The following TUBAL3 variants were observed in gnomAD, a reference collection of about 807,000 sequenced individuals.
TUBAL3 encodes tubulin alpha like 3, also known as tubulin alpha chain-like 3.
Under a neutral mutation model 15.5 loss-of-function variants are expected in TUBAL3, and 16 were observed. The ratio of observed to expected loss-of-function variants is 1.04; its 90% CI spans 0.70 to 1.57. The LOEUF (loss-of-function observed/expected upper bound fraction) is 1.57, where lower values mean the gene tolerates loss of function less well. Ranked by LOEUF, TUBAL3 falls within the 40% of genes most tolerant of loss-of-function variation. The probability of loss-of-function intolerance (pLI) is 0.00; values close to 1 mark genes in which losing one functional copy is unlikely to be tolerated. For missense variants in TUBAL3, 609 were observed against 576.2 expected, an observed-to-expected ratio of 1.06 and a Z score of -0.58; for synonymous variants, 238 against 224.3, an observed-to-expected ratio of 1.06 and a Z score of -0.55.
At chr10:5,401,696 G>C (rs1028763615) in intron 1 of TUBAL3, among the ~76,000 whole-genome samples, 6 of 151,716 alleles carry the variant, frequency 4.0e-5, no homozygotes, top group African/African-American at 1.2e-4. Context: ...AAATGTAAAA[G>C]TTTTATAACA....
At chr10:5,404,408 T>C (rs1304597274) in intron 1 of TUBAL3, among the ~76,000 whole-genome samples, 1 of 152,180 alleles carries the variant, frequency 6.6e-6, no homozygotes, top group Non-Finnish European at 1.5e-5. Flanking sequence ...GTTACCTAAG[T>C]CTGAAGTCCT....
intron 1 of TUBAL3, among the ~76,000 whole-genome samples, chr10:5,403,932 G>T (rs1277992964): frequency 1.3e-5 from 2 of 152,178 alleles, no homozygotes; most frequent in Non-Finnish European, 2.9e-5. Flanking sequence ...AGATTGATAT[G>T]CAGCTGTGAG....
chr10:5,399,832 G>C (rs1554814484), intron 2 of TUBAL3, among the ~76,000 whole-genome samples: 1 of 152,168 alleles, frequency 6.6e-6, no homozygotes, highest in Non-Finnish European at 1.5e-5. Flanking sequence ...TTCCAAGCTG[G>C]TACCACATGG....
At position 5,401,082 on chromosome 10, in the gene TUBAL3, C is replaced by G. The variant is rs1207145092; in HGVS notation, c.9G>C (p.Glu3Asp). The stretch of plus-strand genomic sequence containing the variant: ...CTTGACCGATGTGGATGGAAAGGCA[C>G]TCCCTCTAAAATAAGTCATGGTGAG... MR[E>D]CLSIHIGQAG... The change falls in exon 2 of 4, where the codon GAG becomes GAC. Residue 3 changes from glutamate to aspartate, a missense_variant. Physicochemically the swap from Glu to Asp is conservative, Grantham distance 45. Coordinates refer to ENST00000380419, the MANE Select transcript of TUBAL3 (RefSeq NM_024803.3). 1.2e-6 allele frequency: 2 copies of G among 1,613,950 alleles called. No individual in the cohort carries two copies. Among genetic ancestry groups the G allele is most frequent in the Admixed American group, 3.3e-5 (2 of 59,994 alleles).
chr10:5,394,178 T>C lies in TUBAL3; in HGVS notation c.680A>G (p.Glu227Gly). 6.2e-7 allele frequency: 1 copy of C among 1,614,130 alleles called. No individual in the cohort carries two copies. The highest frequency in any genetic ancestry group is 1.1e-5 in the South Asian group (1 of 91,072). ...YDICHRKLGV[E>G]CPSHASINRL... Reference sequence around the variant, plus strand: ...ATTGATGCTGGCATGAGAGGGGCATTCAACACCGAGTTTACGATGGCATAT... The same window carrying C: ...ATTGATGCTGGCATGAGAGGGGCATCCAACACCGAGTTTACGATGGCATAT... Residue 227 changes from glutamate (E) to glycine (G), a missense_variant, in exon 4 of 4, where the codon GAA becomes GGA. Glu to Gly is a moderately conservative substitution (Grantham distance 98). Transcript: ENST00000380419. This position sits in a 1 kb window ranked among gnomAD's most constrained non-coding sequence, Gnocchi z 4.3.
Position 5,393,456 on chromosome 10 carries a change from C to G in TUBAL3, c.*61G>C. 2 of 1,458,448 alleles carry G rather than the reference C, an allele frequency of 1.4e-6. No homozygotes were observed. Among genetic ancestry groups the G allele is most frequent in the Non-Finnish European group, 1.8e-6 (2 of 1,081,188 alleles). 90.3% of individuals were successfully genotyped at this position (1,458,448 alleles called of 1,614,324 possible). A position where few individuals can be genotyped will look rare whatever the true frequency, so the allele number is the denominator to read the frequency against. On this transcript the variant is annotated 3_prime_UTR_variant, in exon 4 of 4. Coordinates refer to ENST00000380419, the MANE Select transcript of TUBAL3 (RefSeq NM_024803.3). Reference sequence around the variant, plus strand: ...GGGGAACTACCCACTAGGCATATAACGGCTTGAAAAGAAAACATGCCATTT... The same window carrying G: ...GGGGAACTACCCACTAGGCATATAAGGGCTTGAAAAGAAAACATGCCATTT...
At chr10:5,401,692 A>T (rs782166563) in intron 1 of TUBAL3, among the ~76,000 whole-genome samples, 3 of 152,168 alleles carry the variant, frequency 2.0e-5, no homozygotes, top group Non-Finnish European at 4.4e-5. Context: ...TCCAAAATGT[A>T]AAAGTTTTAT....
chr10:5,399,962 A>T (rs535997782), intron 2 of TUBAL3, among the ~76,000 whole-genome samples: 1 of 152,314 alleles, frequency 6.6e-6, no homozygotes, highest in Non-Finnish European at 1.5e-5. Context: ...CCAACAAATA[A>T]TGGGATGCAC....
rs782795215 is a variant in TUBAL3, at chr10:5,395,353, G to A, written c.370C>T (p.Leu124Phe). Residue 124 changes from leucine to phenylalanine, a missense_variant, in exon 3 of 4, where the codon CTT (leucine) becomes TTT (phenylalanine). By Grantham distance (22) the Leu-to-Phe change is conservative. Coordinates refer to ENST00000380419, the MANE Select transcript of TUBAL3 (RefSeq NM_024803.3). This position sits in a 1 kb window ranked among gnomAD's most constrained non-coding sequence, Gnocchi z 4.6. ...AGCTTCCGGGTCCTCTCCAGCACAA[G>A]GTCGATGACCTCCGACCCCACAGAG... ...RYSVGSEVID[L>F]VLERTRKLAE... 6 of 1,583,568 alleles carry A rather than the reference G, an allele frequency of 3.8e-6. No individual in the cohort carries two copies. The highest frequency in any genetic ancestry group is 2.3e-5 in the South Asian group (2 of 87,848).
chr10:5,400,986 AACG>A lies in TUBAL3; in HGVS notation c.102_104del (p.Val36del). The A allele has an allele frequency of 6.2e-7, 1 of 1,614,252 alleles. No homozygotes were observed. Among genetic ancestry groups the A allele is most frequent in the Non-Finnish European group, 8.5e-7 (1 of 1,180,042 alleles). ...GCTGATCCTGTTGAGTGTCAAGAAC[AACG>A]CCATTTGGCTGGATTCCATGTTCCA... On this transcript the variant is annotated inframe_deletion, in exon 2 of 4. Transcript: ENST00000380419.
At chr10:5,398,420 CAAAA>C (rs67359864) in intron 2 of TUBAL3, among the ~76,000 whole-genome samples, 4,154 of 80,394 alleles carry the variant, frequency 0.052, 51 homozygotes, top group South Asian at 0.16. Flanking sequence ...AACTCTGTCT[CAAAA>C]AAAAAAAAAA....
Position 5,394,267 on chromosome 10 carries a change from G to T in TUBAL3, c.591C>A (p.Thr197=), listed in dbSNP as rs368148096. 10 of 1,614,042 alleles carry T rather than the reference G, an allele frequency of 6.2e-6. No homozygotes were observed. Among genetic ancestry groups the T allele is most frequent in the Admixed American group, 3.3e-5 (2 of 60,002 alleles). The change falls in exon 4 of 4, where the codon ACC becomes ACA. Residue 197 remains threonine, a synonymous_variant. Coordinates refer to ENST00000380419, the MANE Select transcript of TUBAL3 (RefSeq NM_024803.3). This position sits in a 1 kb window ranked among gnomAD's most constrained non-coding sequence, Gnocchi z 4.3. ...AVVEPYNSVL[T]THSTTEHTDC... Reference sequence around the variant, plus strand: ...CCGTGTGCTCTGTGGTGGAGTGGGTGGTGAGGACAGAGTTATAAGGCTCTA... The same window carrying T: ...CCGTGTGCTCTGTGGTGGAGTGGGTTGTGAGGACAGAGTTATAAGGCTCTA...
rs1554813701 is a variant in TUBAL3 at position 5,393,601 on chromosome 10, G to A, written c.1257C>T (p.Gly419=). 1.2e-6 allele frequency: 2 copies of A among 1,614,174 alleles called. No homozygotes were observed. The highest frequency in any genetic ancestry group is 1.7e-6 in the Non-Finnish European group (2 of 1,180,034). Residue 419 remains glycine, a synonymous_variant, in exon 4 of 4, where the codon GGC becomes GGT. Coordinates refer to ENST00000380419, the MANE Select transcript of TUBAL3 (RefSeq NM_024803.3). The part of the protein sequence containing the change: ...RAFLHWYLRE[G]MEEAEFLEAR... ...CCTCCAAGAACTCTGCTTCTTCCAT[G>A]CCTTCTCTGAGGTACCAGTGCAGAA...
chr10:5,401,128 A>G (rs2119147636), intron 1 of TUBAL3, 41 bp from the exon 2 acceptor site: 1 of 1,605,866 alleles, frequency 6.2e-7, no homozygotes, highest in South Asian at 1.1e-5. Flanking sequence ...GCAGGTGTTT[A>G]GAAAACAGGA....
At chr10:5,404,760 A>G (rs904608606) in intron 1 of TUBAL3, 30 bp downstream of exon 1, 20 of 1,612,540 alleles carry the variant, frequency 1.2e-5, no homozygotes, top group Non-Finnish European at 1.5e-5. Context: ...AAAATTTCCT[A>G]CAACAATGCA....
At chr10:5,400,756 T>C in intron 2 of TUBAL3, 88 bp downstream of exon 2, 1 of 1,521,882 alleles carries the variant, frequency 6.6e-7, no homozygotes, top group Middle Eastern at 1.7e-4. Flanking sequence ...TCCATTCAGA[T>C]AGACCTGTAT....
chr10:5,404,375 A>G (rs1831900689), intron 1 of TUBAL3, among the ~76,000 whole-genome samples: 1 of 152,246 alleles, frequency 6.6e-6, no homozygotes, highest in South Asian at 2.1e-4. Context: ...TTACCCTGCC[A>G]GGCATTTATG....
At position 5,395,578 on chromosome 10, in the gene TUBAL3, TTC is replaced by T; in HGVS notation, c.248-105_248-104del. 1 of 1,233,588 alleles carries T rather than the reference TTC, an allele frequency of 8.1e-7. No individual in the cohort carries two copies. The highest frequency in any genetic ancestry group is 1.1e-6 in the Non-Finnish European group (1 of 935,634). 76.4% of individuals were successfully genotyped at this position (1,233,588 alleles called of 1,614,324 possible). On this transcript the variant is annotated intron_variant, in intron 2 of 3. Coordinates refer to ENST00000380419, the MANE Select transcript of TUBAL3 (RefSeq NM_024803.3). This position sits in a 1 kb window ranked among gnomAD's most constrained non-coding sequence, Gnocchi z 4.6. ...CCTCCCCGTACTTGACTCCCATGCT[TTC>T]TCTCAATATTGTGGTCCAGGAATGG...
In TUBAL3 at chr10:5,395,260, G is replaced by A; in HGVS notation, c.396+67C>T. On this transcript the variant is annotated intron_variant, in intron 3 of 3. Coordinates refer to ENST00000380419, the MANE Select transcript of TUBAL3 (RefSeq NM_024803.3). This position sits in a 1 kb window ranked among gnomAD's most constrained non-coding sequence, Gnocchi z 4.6. The stretch of plus-strand genomic sequence containing the variant: ...GATGGTGACAGCAGATAATGCTTGT[G>A]AGTTCTGCCGCAGGACCCCACATGC... 1.4e-6 allele frequency: 2 copies of A among 1,389,988 alleles called. No individual in the cohort carries two copies. The highest frequency in any genetic ancestry group is 5.4e-5 in the Admixed American group (2 of 37,350). 86.1% of individuals were successfully genotyped at this position (1,389,988 alleles called of 1,614,324 possible). A position where few individuals can be genotyped will look rare whatever the true frequency, so the allele number is the denominator to read the frequency against.
Sources: gnomAD v4.1 joint callset for allele counts (sites outside exome capture counted in the v4.1 genomes callset) on GRCh38, gnomAD v4.1.1 for gene constraint, Gnocchi (gnomAD v3.1) non-coding constraint, MANE v1.5 for transcripts, NCBI Gene and HGNC (gene_info 2026-07-23, HGNC 2026-07-21) for gene names.